BCAR3: variants seen among roughly 807,000 people sequenced by gnomAD.
BCAR3 encodes the protein breast cancer anti-estrogen resistance protein 3.
Under a neutral mutation model 80.1 loss-of-function variants are expected in BCAR3, and 37 were observed. The ratio of observed to expected loss-of-function variants is 0.46; its 90% CI spans 0.36 to 0.61. The LOEUF is 0.61. BCAR3 is among the 20% of genes least tolerant of loss of function. The pLI, the probability that BCAR3 is intolerant of heterozygous loss-of-function variation, is 0.00. For missense variants in BCAR3, 978 were observed against 1,068.2 expected (o/e 0.92, Z 1.18); for synonymous variants, 389 against 418.9 (o/e 0.93, Z 0.87).
Position 93,579,325 on chromosome 1 carries a change from G to A in BCAR3, c.1686+2976C>T, listed in dbSNP as rs112463855. 9.3e-4 allele frequency among the ~76,000 whole-genome samples: 141 copies of A among 152,318 alleles called. 1 individual carries two copies. The highest frequency in any genetic ancestry group is 3.2e-3 in the African/African-American group (134 of 41,568). ...CCTCTTAGAGATGCTGATTGTGCCC[G>A]CTTGGAAGTCAGTGGTTCCAGGAAG... is the stretch of plus-strand genomic sequence containing the variant. On this transcript the variant is annotated intron_variant, in intron 7 of 11. Transcript: ENST00000260502.
chr1:93,749,886 CTTATT>C (rs1651494563), intron 2 of BCAR3, among the ~76,000 whole-genome samples: 1 of 140,402 alleles, frequency 7.1e-6, no homozygotes, highest in Admixed American at 7.1e-5. Flanking sequence ...ATGATCTTGA[CTTATT>C]TTTTTTTTTT....
intron 8 of BCAR3, among the ~76,000 whole-genome samples, chr1:93,575,619 A>G (rs1207925589): frequency 1.3e-5 from 2 of 151,964 alleles, no homozygotes; most frequent in Non-Finnish European, 2.9e-5. Context: ...AGCAATCTTA[A>G]CCCCCAAAGA....
At chr1:93,587,715 A>C (rs1674004869) in intron 5 of BCAR3, among the ~76,000 whole-genome samples, 1 of 147,712 alleles carries the variant, frequency 6.8e-6, no homozygotes. Flanking sequence ...AAAAAAAACC[A>C]GTGAGTAGAA....
intron 2 of BCAR3, among the ~76,000 whole-genome samples, chr1:93,651,986 CAA>C (rs898347120): frequency 1.3e-5 from 2 of 151,996 alleles, no homozygotes; most frequent in Non-Finnish European, 2.9e-5. Context: ...GCAGTGAGGC[CAA>C]AAAAAGTTAG....
At chr1:93,616,381 A>G (rs1336316800) in intron 3 of BCAR3, among the ~76,000 whole-genome samples, 1 of 152,214 alleles carries the variant, frequency 6.6e-6, no homozygotes, top group Non-Finnish European at 1.5e-5. Context: ...ACTAAAGATG[A>G]TAATTGCATA....
At chr1:93,815,860 A>G (rs1654000127) in intron 2 of BCAR3, among the ~76,000 whole-genome samples, 1 of 152,216 alleles carries the variant, frequency 6.6e-6, no homozygotes, top group African/African-American at 2.4e-5. Context: ...CTCACTGATT[A>G]GGAGGTTAGA....
intron 2 of BCAR3, among the ~76,000 whole-genome samples, chr1:93,724,412 G>A (rs1650509432): frequency 6.6e-6 from 1 of 152,330 alleles, no homozygotes; most frequent in South Asian, 2.1e-4. Flanking sequence ...AGGAGCCCTT[G>A]TTTGTTGGAC....
intron 2 of BCAR3, among the ~76,000 whole-genome samples, chr1:93,647,957 G>A (rs1676196966): frequency 6.6e-6 from 1 of 151,988 alleles, no homozygotes. Context: ...ATTTTTAGTA[G>A]AGATGGGGAT....
chr1:93,568,149 G>T, intron 9 of BCAR3: 1 of 247,054 alleles, frequency 4.0e-6, no homozygotes, highest in South Asian at 5.7e-5. Flanking sequence ...TCATGCCACT[G>T]CACTCCAGCC....
intron 3 of BCAR3, among the ~76,000 whole-genome samples, chr1:93,613,197 T>C (rs564499955): frequency 6.6e-6 from 1 of 152,326 alleles, no homozygotes; most frequent in Non-Finnish European, 1.5e-5. Context: ...ATATTAATCT[T>C]AATTCCTAGT....
At chr1:93,837,627 C>A (rs1654816478) in intron 2 of BCAR3, among the ~76,000 whole-genome samples, 1 of 152,212 alleles carries the variant, frequency 6.6e-6, no homozygotes, top group Admixed American at 6.5e-5. Flanking sequence ...ACTGCTGGGT[C>A]CCACCCCTTC....
intron 6 of BCAR3, among the ~76,000 whole-genome samples, chr1:93,583,232 A>G (rs1673792525): frequency 6.6e-6 from 1 of 152,166 alleles, no homozygotes; most frequent in Non-Finnish European, 1.5e-5. Context: ...TTGTATGGTC[A>G]TAGAAGGCTG....
At position 93,588,997 on chromosome 1, in the gene BCAR3, C is replaced by A; in HGVS notation, c.909G>T (p.Leu303Phe). Residue 303 changes from leucine to phenylalanine, a missense_variant, in exon 5 of 12, where the codon TTG becomes TTT. Leu to Phe is a conservative substitution (Grantham distance 22). Coordinates refer to ENST00000260502, the MANE Select transcript of BCAR3 (RefSeq NM_003567.4). ...MGGVQAREQN[L>F]PRGNLLRNKE... ...CCTACCTGAGGAGGTTTCCCCTGGG[C>A]AAATTCTGCTCTCGGGCCTGGACGC... The A allele has an allele frequency of 6.3e-7, 1 of 1,580,202 alleles. No homozygotes were observed. The highest frequency in any genetic ancestry group is 8.6e-7 in the Non-Finnish European group (1 of 1,158,184).
At chr1:93,744,526 G>A (rs1651287624) in intron 2 of BCAR3, among the ~76,000 whole-genome samples, 1 of 152,146 alleles carries the variant, frequency 6.6e-6, no homozygotes, top group Admixed American at 6.5e-5. Context: ...GAAGAGGCTG[G>A]CCCTTCTGCA....
In BCAR3 at chr1:93,772,880, A is replaced by C. The variant is rs1348092974; in HGVS notation, c.-62-66738T>G. Reference sequence around the variant, plus strand: ...CAGCCTCCCAAAGTGCTGGGACTACAGGTGTGAGCCACCACACCCGGCCAT... The same window carrying C: ...CAGCCTCCCAAAGTGCTGGGACTACCGGTGTGAGCCACCACACCCGGCCAT... On this transcript the variant is annotated intron_variant, in intron 2 of 13. Transcript: ENST00000370244. Among the ~76,000 whole-genome samples the C allele has an allele frequency of 2.6e-5, 4 of 152,280 alleles. No individual in the cohort carries two copies. The East Asian group carries it at 7.7e-4, about 29-fold the overall frequency.
chr1:93,679,303 G>A (rs1276959500), intron 1 of BCAR3, among the ~76,000 whole-genome samples: 1 of 152,200 alleles, frequency 6.6e-6, no homozygotes, highest in Non-Finnish European at 1.5e-5. Flanking sequence ...CTGTATCTCT[G>A]TTATACTGAG....
In BCAR3 at chr1:93,708,003, G is replaced by A. The variant is rs191793979; in HGVS notation, c.-62-1861C>T. On this transcript the variant is annotated intron_variant, in intron 2 of 13. Coordinates refer to the BCAR3 transcript ENST00000370244. ...GACAGGTTTTGCAAGGTGGTAAGCC[G>A]AGGGGGCGGCTCAAAAGTTGCCAGC... 9.2e-5 allele frequency among the ~76,000 whole-genome samples: 14 copies of A among 152,270 alleles called. No individual in the cohort carries two copies. In the East Asian group the frequency reaches 2.5e-3, roughly 27 times the overall value.
intron 2 of BCAR3, among the ~76,000 whole-genome samples, chr1:93,758,923 G>C (rs1281294587): frequency 2.6e-5 from 4 of 152,220 alleles, no homozygotes; most frequent in Non-Finnish European, 5.9e-5. Context: ...TCAGGGGGCT[G>C]GTTGGCCAGA....
intron 2 of BCAR3, among the ~76,000 whole-genome samples, chr1:93,803,993 A>G (rs1653580338): frequency 1.3e-5 from 2 of 152,190 alleles, no homozygotes; most frequent in South Asian, 4.1e-4. Flanking sequence ...CTGATAGGCA[A>G]AGTGGCCATA....
Sources: allele counts gnomAD v4.1 joint callset (sites outside exome capture counted in the v4.1 genomes callset), GRCh38; gene constraint gnomAD v4.1.1; transcripts MANE v1.5; gene names NCBI Gene and HGNC (gene_info 2026-07-23, HGNC 2026-07-21).